Variants in CCDC144A observed in about 807,000 individuals in gnomAD.
The protein encoded by CCDC144A is coiled-coil domain containing 144A.
CCDC144A carries 41 observed loss-of-function variants against 143.8 expected under a neutral mutation model. The ratio of observed to expected loss-of-function variants is 0.29; its 90% confidence interval spans 0.22 to 0.37. The LOEUF is 0.37. Ranked by LOEUF, CCDC144A falls within the 10% of genes least tolerant of loss-of-function variation. The pLI, the probability that CCDC144A is intolerant of heterozygous loss-of-function variation, is 1.00. For synonymous variants in CCDC144A, 242 were observed against 517.9 expected, an observed-to-expected ratio of 0.47 and a Z score of 7.23; for missense variants, 637 against 1,488.8, an observed-to-expected ratio of 0.43 and a Z score of 9.41.
the CCDC144A span, among the ~76,000 whole-genome samples, chr17:16,677,165 C>T: frequency 6.6e-6 from 1 of 152,048 alleles, no homozygotes; most frequent in African/African-American, 2.4e-5. Flanking sequence ...CCTTCTGCAC[C>T]TTCGTCCGTC....
the CCDC144A span, among the ~76,000 whole-genome samples, chr17:16,673,549 G>T: frequency 6.6e-6 from 1 of 151,834 alleles, no homozygotes; most frequent in East Asian, 1.9e-4. Flanking sequence ...ACCACGCCCG[G>T]CTAATTTTGT....
the CCDC144A span, among the ~76,000 whole-genome samples, chr17:16,673,919 T>C: frequency 1.3e-5 from 2 of 152,148 alleles, no homozygotes; most frequent in Admixed American, 1.3e-4. Context: ...ACATTTCTTT[T>C]AAGTGAAAAA....
intron 8 of CCDC144A, among the ~76,000 whole-genome samples, chr17:16,723,506 G>A (rs530481755): frequency 1.1e-3 from 164 of 151,902 alleles, no homozygotes; most frequent in African/African-American, 3.6e-3. Context: ...GGTCTGTTCC[G>A]CCTGCTATAA....
chr17:16,690,691 G>C lies in CCDC144A; in HGVS notation c.291G>C (p.Glu97Asp), dbSNP rs777681271. 1 of 1,613,634 alleles carries C rather than the reference G, an allele frequency of 6.2e-7. No homozygotes were observed. Among genetic ancestry groups the C allele is most frequent in the African/African-American group, 1.3e-5 (1 of 74,934 alleles). The change falls in exon 1 of 17, where the codon GAG becomes GAC. Residue 97 changes from glutamate to aspartate, a missense_variant. By Grantham distance (45) the Glu-to-Asp change is conservative. Transcript: ENST00000399273. ...GGTCGGGCGACGTCCCTGGGGTGGA[G>C]CACATCTTAGCTCCTGGAGACACTG... ...AARSGDVPGV[E>D]HILAPGDTGV...
chr17:16,764,062 G>A lies in CCDC144A; in HGVS notation c.3985G>A (p.Val1329Ile). ...SLFTAYATRP[V>I]LESPCVGNLN... ...ATTCACTGCTTATGCTACAAGGCCA[G>A]TCCTAGAGTCACCTTGCGTTGGAAA... The change falls in exon 15 of 17, where the codon GTC becomes ATC. Residue 1329 changes from valine (V) to isoleucine (I), a missense_variant. Coordinates refer to ENST00000399273, the MANE Select transcript of CCDC144A (RefSeq NM_001382000.1). 1 of 1,613,640 alleles carries A rather than the reference G, an allele frequency of 6.2e-7. No homozygotes were observed. Among genetic ancestry groups the A allele is most frequent in the East Asian group, 2.2e-5 (1 of 44,874 alleles).
intron 12 of CCDC144A, among the ~76,000 whole-genome samples, chr17:16,760,976 T>C (rs1462973771): frequency 1.4e-5 from 2 of 147,190 alleles, no homozygotes; most frequent in African/African-American, 5.2e-5. Flanking sequence ...AGGGTCTGTA[T>C]TTTATGAATC....
Position 16,690,243 on chromosome 17 carries a change from G to A in CCDC144A, c.-158G>A, listed in dbSNP as rs1251299905. ...CGGATTGGCTTGGCCTTACCCACGA[G>A]GCTTTGCGGTGGCTGTTGGCTTGGC... On this transcript the variant is annotated 5_prime_UTR_variant, in exon 1 of 17. Transcript: ENST00000399273. The A allele has an allele frequency of 3.1e-5, 16 of 524,174 alleles. No homozygotes were observed. Among genetic ancestry groups the A allele is most frequent in the Non-Finnish European group, 4.7e-5 (14 of 295,548 alleles). The allele number at this position is 524,174 out of a possible 1,614,324, so 32.5% of individuals were successfully genotyped here.
At chr17:16,699,444 C>T (rs1793070608) in intron 2 of CCDC144A, among the ~76,000 whole-genome samples, 1 of 137,246 alleles carries the variant, frequency 7.3e-6, no homozygotes, top group Middle Eastern at 3.3e-3. Context: ...GGCGCTATCT[C>T]GGCTCACTGC....
chr17:16,683,630 G>C, the CCDC144A span: 1 of 1,610,828 alleles, frequency 6.2e-7, no homozygotes, highest in African/African-American at 1.3e-5. Flanking sequence ...CAGAGGATGA[G>C]GCCTGGGACT....
Position 16,729,963 on chromosome 17 carries a change from CATATATAT to C in CCDC144A, c.2106-1815_2106-1808del, listed in dbSNP as rs59756018. On this transcript the variant is annotated intron_variant, in intron 9 of 16. Coordinates refer to ENST00000399273, the MANE Select transcript of CCDC144A (RefSeq NM_001382000.1). The stretch of plus-strand genomic sequence containing the variant: ...CATATTGTACCTCAGTAGGTAGTTT[CATATATAT>C]ATATATATATATATATATATACACA... Among the ~76,000 whole-genome samples the C allele has an allele frequency of 7.8e-4, 73 of 94,074 alleles. 4 individuals carry two copies. The East Asian group carries it at 0.015, about 20-fold the overall frequency. 61.7% of individuals were successfully genotyped at this position (94,074 alleles called of 152,430 possible).
At chr17:16,718,778 T>C (rs1013106077) in intron 6 of CCDC144A, among the ~76,000 whole-genome samples, 3 of 140,824 alleles carry the variant, frequency 2.1e-5, no homozygotes, top group Middle Eastern at 3.6e-3. Flanking sequence ...TTAAGTACTT[T>C]AGAAAAGCTA....
chr17:16,752,533 T>TC (rs1426622886), intron 12 of CCDC144A, among the ~76,000 whole-genome samples: 8 of 145,984 alleles, frequency 5.5e-5, no homozygotes, highest in African/African-American at 2.1e-4. Flanking sequence ...TGTGCTTGAA[T>TC]CCGGGGGGTA....
At chr17:16,671,446 T>C in the CCDC144A span, among the ~76,000 whole-genome samples, 1 of 152,112 alleles carries the variant, frequency 6.6e-6, no homozygotes, top group South Asian at 2.1e-4. Flanking sequence ...ATAAGTGGTC[T>C]GATATTAGGA....
chr17:16,729,546 C>T (rs1056317911), intron 9 of CCDC144A, among the ~76,000 whole-genome samples: 4 of 152,060 alleles, frequency 2.6e-5, no homozygotes, highest in Admixed American at 6.6e-5. Flanking sequence ...TTTTGCTGTG[C>T]AGAAGCCTTT....
intron 5 of CCDC144A, among the ~76,000 whole-genome samples, chr17:16,709,859 G>A (rs550376205): frequency 1.3e-3 from 197 of 152,276 alleles, no homozygotes; most frequent in African/African-American, 4.5e-3. Context: ...TCCAAGTGGC[G>A]TATGGATTGT....
chr17:16,759,503 T>C (rs948371719), intron 12 of CCDC144A, among the ~76,000 whole-genome samples: 1 of 152,026 alleles, frequency 6.6e-6, no homozygotes, highest in African/African-American at 2.4e-5. Flanking sequence ...CTTTTATATG[T>C]AGTAGTCTTT....
intron 9 of CCDC144A, among the ~76,000 whole-genome samples, chr17:16,728,259 A>G (rs1262316718): frequency 6.6e-6 from 1 of 152,146 alleles, no homozygotes; most frequent in African/African-American, 2.4e-5. Flanking sequence ...ATGATCTCCA[A>G]TTCCCAACCT....
chr17:16,756,314 T>C (rs959518713), intron 12 of CCDC144A, among the ~76,000 whole-genome samples: 2 of 152,196 alleles, frequency 1.3e-5, no homozygotes, highest in African/African-American at 2.4e-5. Flanking sequence ...TTTTTTTTAT[T>C]TTTGCTTTTT....
the CCDC144A span, among the ~76,000 whole-genome samples, chr17:16,672,856 G>T: frequency 3.3e-5 from 5 of 152,020 alleles, no homozygotes; most frequent in East Asian, 1.9e-4. Flanking sequence ...ATATTTGTGT[G>T]ATCCTTTAAA....
Sources: gnomAD v4.1 joint callset for allele counts (sites outside exome capture counted in the v4.1 genomes callset) on GRCh38, gnomAD v4.1.1 for gene constraint, MANE v1.5 for transcripts, NCBI Gene and HGNC (gene_info 2026-07-23, HGNC 2026-07-21) for gene names.